The following VPS53 variants were observed in gnomAD, a reference collection of about 807,000 sequenced individuals.
VPS53 encodes VPS53 subunit of GARP complex, also known as vacuolar protein sorting-associated protein 53 homolog.
VPS53 carries 70 observed loss-of-function variants against 107.0 expected under a neutral mutation model. The ratio of observed to expected loss-of-function variants is 0.65; its 90% CI spans 0.54 to 0.80. The LOEUF is 0.80. Ranked by LOEUF, VPS53 falls within the 30% of genes least tolerant of loss-of-function variation. VPS53 has a pLI of 0.00. For synonymous variants in VPS53, 409 were observed against 393.3 expected (o/e 1.04, Z -0.47); for missense variants, 917 against 1,049.4 (o/e 0.87, Z 1.74).
At chr17:609,945 T>C (rs1968771519) in intron 11 of VPS53, among the ~76,000 whole-genome samples, 1 of 151,786 alleles carries the variant, frequency 6.6e-6, no homozygotes, top group South Asian at 2.1e-4. Context: ...CTGGCTAACA[T>C]GGTGAAACCG....
chr17:639,523 G>GT (rs1242362590), intron 7 of VPS53, among the ~76,000 whole-genome samples: 1 of 152,154 alleles, frequency 6.6e-6, no homozygotes. Context: ...CTTTTCTGCT[G>GT]TTTTTTCCCC....
chr17:610,411 G>A (rs1370637770), intron 11 of VPS53, among the ~76,000 whole-genome samples: 1 of 152,092 alleles, frequency 6.6e-6, no homozygotes, highest in East Asian at 1.9e-4. Flanking sequence ...TGTAGCAGCT[G>A]AAACTATAAA....
intron 19 of VPS53, 58 bp downstream of exon 19, chr17:532,784 T>A (rs1366939805): frequency 6.2e-7 from 1 of 1,602,932 alleles, no homozygotes; most frequent in East Asian, 2.2e-5. Flanking sequence ...TAGAAGAATA[T>A]GTGCTTGATC....
intron 4 of VPS53, among the ~76,000 whole-genome samples, chr17:693,759 G>C (rs1205617581): frequency 6.6e-6 from 1 of 151,974 alleles, no homozygotes; most frequent in Non-Finnish European, 1.5e-5. Flanking sequence ...ATTTAAAAGC[G>C]GCACATCGGT....
chr17:639,918 C>G (rs1474788981), intron 7 of VPS53, among the ~76,000 whole-genome samples: 1 of 152,218 alleles, frequency 6.6e-6, no homozygotes, highest in Non-Finnish European at 1.5e-5. Flanking sequence ...CCACTACTCT[C>G]TTCAAAGCTG....
chr17:600,103 G>A (rs1296408873), intron 12 of VPS53: 1 of 152,208 alleles, frequency 6.6e-6, no homozygotes, highest in East Asian at 1.9e-4. Context: ...AGCTTTCATA[G>A]GAGGAAAAAG....
chr17:588,356 A>G (rs1415317332), intron 12 of VPS53, among the ~76,000 whole-genome samples: 7 of 151,858 alleles, frequency 4.6e-5, no homozygotes, highest in African/African-American at 1.7e-4. Context: ...AATACTTAAC[A>G]TAAGATCTAC....
Position 714,771 on chromosome 17 carries a change from C to T in VPS53, c.-62G>A, listed in dbSNP as rs1474119827. On this transcript the variant is annotated 5_prime_UTR_variant, in exon 1 of 22. Coordinates refer to ENST00000437048, the MANE Select transcript of VPS53 (RefSeq NM_001128159.3). ...CCCAACTCAGGCCTCCAGCCGCCACCCAGGCCCCAGCACAGCAACTCCCTC... is the reference window on the plus strand; with the variant it reads ...CCCAACTCAGGCCTCCAGCCGCCACTCAGGCCCCAGCACAGCAACTCCCTC... 6.3e-7 allele frequency: 1 copy of T among 1,585,100 alleles called. No homozygotes were observed.
At chr17:553,316 T>C (rs528559303) in intron 16 of VPS53, 64 bp downstream of exon 16, 2 of 1,498,750 alleles carry the variant, frequency 1.3e-6, no homozygotes, top group Admixed American at 3.4e-5. Context: ...GGTACATACG[T>C]GCTGCACGCT....
At chr17:573,555 T>C (rs984206430) in intron 13 of VPS53, among the ~76,000 whole-genome samples, 19 of 152,144 alleles carry the variant, frequency 1.2e-4, no homozygotes, top group Admixed American at 1.3e-4. Context: ...CCCACCCACA[T>C]AGGAGTCCTG....
At chr17:578,237 G>A (rs1353466616) in intron 13 of VPS53, among the ~76,000 whole-genome samples, 2 of 151,194 alleles carry the variant, frequency 1.3e-5, no homozygotes, top group Non-Finnish European at 2.9e-5. Flanking sequence ...AACCTGATGC[G>A]TTCCCAGAGA....
intron 4 of VPS53, among the ~76,000 whole-genome samples, chr17:695,133 G>A (rs574902178): frequency 1.3e-5 from 2 of 152,290 alleles, no homozygotes; most frequent in African/African-American, 4.8e-5. Flanking sequence ...GTAAGTCAAG[G>A]GAGACCCCAA....
rs1345919743 is a variant in VPS53, at chr17:513,283, C to CT, written c.*5844_*5845insA. 2 of 152,204 alleles carry CT rather than the reference C, an allele frequency of 1.3e-5. No homozygotes were observed. Among genetic ancestry groups the CT allele is most frequent in the African/African-American group, 4.8e-5 (2 of 41,454 alleles). 9.4% of individuals were successfully genotyped at this position (152,204 alleles called of 1,614,324 possible). On this transcript the variant is annotated 3_prime_UTR_variant, in exon 22 of 22. Transcript: ENST00000437048. ...TGTGCTCCAACATGCAGGCAGAAAT[C>CT]ACTTCCAGATGGAGAAAATGAAAGC...
chr17:623,061 AG>A (rs1567683961), intron 11 of VPS53, among the ~76,000 whole-genome samples: 1 of 152,136 alleles, frequency 6.6e-6, no homozygotes, highest in Non-Finnish European at 1.5e-5. Context: ...TTTAACCGGC[AG>A]TACTATGTTC....
chr17:517,285 C>T lies in VPS53; in HGVS notation c.*1843G>A, dbSNP rs1908377841. 4 of 394,154 alleles carry T rather than the reference C, an allele frequency of 1.0e-5. No individual in the cohort carries two copies. In the East Asian group the frequency reaches 1.1e-4, roughly 11 times the overall value. The allele number at this position is 394,154 out of a possible 1,614,324, so 24.4% of individuals were successfully genotyped here. A position where few individuals can be genotyped will look rare whatever the true frequency, so the allele number is the denominator to read the frequency against. On this transcript the variant is annotated 3_prime_UTR_variant, in exon 22 of 22. Coordinates refer to ENST00000437048, the MANE Select transcript of VPS53 (RefSeq NM_001128159.3). ...ATTCTCAAATTTGAGACGCTTGATGCGTGAGAGTCAAACCAGCTAGCAAGG... is the reference window on the plus strand; with the variant it reads ...ATTCTCAAATTTGAGACGCTTGATGTGTGAGAGTCAAACCAGCTAGCAAGG...
At chr17:627,769 C>T (rs912682997) in intron 9 of VPS53, among the ~76,000 whole-genome samples, 1 of 45,606 alleles carries the variant, frequency 2.2e-5, no homozygotes, top group Non-Finnish European at 4.2e-5. Flanking sequence ...GAGCGAAACT[C>T]CGTCTCACAC....
intron 13 of VPS53, among the ~76,000 whole-genome samples, chr17:585,325 C>T (rs1967252320): frequency 6.6e-6 from 1 of 152,154 alleles, no homozygotes; most frequent in South Asian, 2.1e-4. Context: ...GTACAAAATA[C>T]CTGGCCAGTA....
intron 10 of VPS53, among the ~76,000 whole-genome samples, chr17:625,645 G>A (rs765151394): frequency 7.9e-5 from 12 of 152,176 alleles, no homozygotes; most frequent in South Asian, 4.1e-4. Flanking sequence ...GACTATGCAC[G>A]TGGGGCCGGG....
chr17:568,277 G>A (rs1913727681), intron 13 of VPS53, among the ~76,000 whole-genome samples: 1 of 151,752 alleles, frequency 6.6e-6, no homozygotes, highest in African/African-American at 2.4e-5. Context: ...TTTGAGACAG[G>A]GTCACCCAGG....
Sources: allele counts gnomAD v4.1 joint callset (sites outside exome capture counted in the v4.1 genomes callset), GRCh38; gene constraint gnomAD v4.1.1; transcripts MANE v1.5; gene names NCBI Gene and HGNC (gene_info 2026-07-23, HGNC 2026-07-21).